The following DDX10 variants were observed in gnomAD, a reference collection of about 807,000 sequenced individuals.
DDX10 encodes the protein DEAD-box helicase 10.
In DDX10, 74 loss-of-function variants were observed where a neutral mutation model predicts 104.3. The ratio of observed to expected loss-of-function variants is 0.71; its 90% confidence interval spans 0.59 to 0.86. The LOEUF is 0.86. Ranked by LOEUF, DDX10 falls within the 40% of genes least tolerant of loss-of-function variation. The probability of loss-of-function intolerance (pLI) is 0.00; values close to 1 mark genes in which losing one functional copy is unlikely to be tolerated. For missense variants in DDX10, 952 were observed against 1,040.0 expected (o/e 0.92, Z 1.16); for synonymous variants, 351 against 353.4 (o/e 0.99, Z 0.08).
At chr11:108,933,241 A>G (rs1863995750) in intron 17 of DDX10, among the ~76,000 whole-genome samples, 1 of 151,954 alleles carries the variant, frequency 6.6e-6, no homozygotes, top group Non-Finnish European at 1.5e-5. Flanking sequence ...CCACAGGATT[A>G]TTACTGAAGG....
At chr11:108,753,821 C>G (rs927598139) in intron 13 of DDX10, among the ~76,000 whole-genome samples, 1 of 151,888 alleles carries the variant, frequency 6.6e-6, no homozygotes, top group Admixed American at 6.6e-5. Context: ...TACTCTGAGC[C>G]ACGTGGTACT....
rs530916206 is a variant in DDX10 at position 108,810,304 on chromosome 11, G to A, written c.1966-28142G>A. 1.6e-4 allele frequency among the ~76,000 whole-genome samples: 25 copies of A among 152,236 alleles called. 1 individual carries two copies. The East Asian group carries it at 4.6e-3, about 28-fold the overall frequency. ...GAACTCTGGGCCCCAGGGGAGGGGC[G>A]GGTAAAGATGATTAGTTTTTACAGT... On this transcript the variant is annotated intron_variant, in intron 13 of 17. Transcript: ENST00000322536.
At chr11:108,825,090 A>G (rs762970683) in intron 13 of DDX10, among the ~76,000 whole-genome samples, 4 of 152,224 alleles carry the variant, frequency 2.6e-5, no homozygotes, top group Non-Finnish European at 5.9e-5. Context: ...AGAAATTTAC[A>G]TGTTATCTAG....
intron 13 of DDX10, among the ~76,000 whole-genome samples, chr11:108,775,858 C>A (rs892054867): frequency 1.3e-5 from 2 of 152,178 alleles, no homozygotes; most frequent in African/African-American, 4.8e-5. Context: ...ATTTCATTTA[C>A]CATGGCTTAG....
intron 13 of DDX10, among the ~76,000 whole-genome samples, chr11:108,820,695 A>T (rs1862315278): frequency 6.6e-6 from 1 of 152,178 alleles, no homozygotes; most frequent in South Asian, 2.1e-4. Flanking sequence ...GTCCTGTCAG[A>T]AGTTGAGCAT....
rs150636544 is a variant in DDX10, at chr11:108,670,493, G to T, written c.187-2974G>T. ...GAATCCCCGGGCCTGCAGTAGCACT[G>T]CTGAGCCCCGCCATTGACTAGGAGC... On this transcript the variant is annotated intron_variant, in intron 1 of 17. Coordinates refer to ENST00000322536, the MANE Select transcript of DDX10 (RefSeq NM_004398.4). Among the ~76,000 whole-genome samples the T allele has an allele frequency of 3.9e-4, 60 of 152,326 alleles. No homozygotes were observed. In the East Asian group the frequency reaches 0.011, roughly 28 times the overall value.
chr11:108,674,751 G>GA (rs1431924442), intron 2 of DDX10, among the ~76,000 whole-genome samples: 1 of 152,088 alleles, frequency 6.6e-6, no homozygotes, highest in Non-Finnish European at 1.5e-5. Context: ...GAACTTTAAG[G>GA]AATCTGCCTG....
intron 13 of DDX10, among the ~76,000 whole-genome samples, chr11:108,744,059 T>C (rs1348687327): frequency 6.6e-6 from 1 of 152,208 alleles, no homozygotes; most frequent in Non-Finnish European, 1.5e-5. Context: ...GCCAACAGTG[T>C]ACTTAGTGGT....
intron 13 of DDX10, among the ~76,000 whole-genome samples, chr11:108,775,864 C>T (rs2094369178): frequency 6.6e-6 from 1 of 152,148 alleles, no homozygotes; most frequent in Non-Finnish European, 1.5e-5. Flanking sequence ...TTTACCATGG[C>T]TTAGCTTTGC....
chr11:108,815,607 A>G (rs1004409657), intron 13 of DDX10, among the ~76,000 whole-genome samples: 1 of 152,166 alleles, frequency 6.6e-6, no homozygotes, highest in African/African-American at 2.4e-5. Flanking sequence ...TAATGCTATC[A>G]TGTGTCCCAT....
intron 9 of DDX10, among the ~76,000 whole-genome samples, chr11:108,705,049 T>C (rs1374527382): frequency 6.6e-6 from 1 of 152,222 alleles, no homozygotes; most frequent in East Asian, 1.9e-4. Flanking sequence ...ATGATAAAAT[T>C]CTACTTACAT....
intron 13 of DDX10, among the ~76,000 whole-genome samples, chr11:108,748,482 C>T (rs986392974): frequency 2.0e-5 from 3 of 152,078 alleles, no homozygotes; most frequent in East Asian, 1.9e-4. Context: ...AATATTCATT[C>T]GTTAGTTCAC....
intron 13 of DDX10, among the ~76,000 whole-genome samples, chr11:108,759,202 T>G (rs2094347862): frequency 6.6e-6 from 1 of 152,122 alleles, no homozygotes; most frequent in South Asian, 2.1e-4. Flanking sequence ...GCTATTTAAA[T>G]TATTTTTAAT....
chr11:108,890,799 G>A (rs185875427), intron 16 of DDX10, among the ~76,000 whole-genome samples: 8 of 152,162 alleles, frequency 5.3e-5, no homozygotes, highest in East Asian at 1.9e-4. Context: ...GGGAGGAACC[G>A]TGGAAATACT....
At chr11:108,717,721 A>C (rs1452283428) in intron 11 of DDX10, among the ~76,000 whole-genome samples, 5 of 152,238 alleles carry the variant, frequency 3.3e-5, no homozygotes, top group South Asian at 2.1e-4. Flanking sequence ...TGAGGCTAAA[A>C]TTTAAGTGCT....
chr11:108,787,930 C>CA (rs1011829788), intron 13 of DDX10, among the ~76,000 whole-genome samples: 38 of 150,274 alleles, frequency 2.5e-4, no homozygotes, highest in Non-Finnish European at 3.4e-4. Flanking sequence ...AACTCCATCT[C>CA]AAAAAAAAAT....
chr11:108,838,638 G>C (rs1862594496), intron 14 of DDX10, 73 bp downstream of exon 14: 1 of 1,476,448 alleles, frequency 6.8e-7, no homozygotes, highest in Admixed American at 2.1e-5. Flanking sequence ...CTCTTACTTA[G>C]CACTCATTAA....
At chr11:108,762,315 A>T (rs1016852601) in intron 13 of DDX10, among the ~76,000 whole-genome samples, 8 of 152,214 alleles carry the variant, frequency 5.3e-5, no homozygotes, top group African/African-American at 1.9e-4. Flanking sequence ...TTACTTTCCC[A>T]CTTAGGACCA....
At chr11:108,892,458 A>G (rs186603603) in intron 16 of DDX10, among the ~76,000 whole-genome samples, 22 of 152,298 alleles carry the variant, frequency 1.4e-4, no homozygotes, top group African/African-American at 5.3e-4. Context: ...TTATAGCATC[A>G]CAAACGGACT....
Sources: gnomAD v4.1 joint callset for allele counts (sites outside exome capture counted in the v4.1 genomes callset) on GRCh38, gnomAD v4.1.1 for gene constraint, MANE v1.5 for transcripts, NCBI Gene and HGNC (gene_info 2026-07-23, HGNC 2026-07-21) for gene names.